The following DENND1A variants were observed in gnomAD, a reference collection of about 807,000 sequenced individuals.
DENND1A encodes DENN domain-containing protein 1A.
In DENND1A, 51 loss-of-function variants were observed where a neutral mutation model predicts 113.7. The observed-to-expected ratio is 0.45, with a 90% CI of 0.36 to 0.57. The LOEUF is 0.57. DENND1A is among the 20% of genes least tolerant of loss of function. DENND1A has a pLI of 0.00. For missense variants in DENND1A, 1,258 were observed against 1,395.9 expected, an observed-to-expected ratio of 0.90 and a Z score of 1.57; for synonymous variants, 565 against 570.8, an observed-to-expected ratio of 0.99 and a Z score of 0.14.
chr9:123,529,526 G>A (rs1476797325), intron 13 of DENND1A, among the ~76,000 whole-genome samples: 2 of 151,736 alleles, frequency 1.3e-5, no homozygotes, highest in Admixed American at 1.3e-4. Context: ...GAGACAAGTG[G>A]TATACAAACA....
At chr9:123,552,039 C>CAGAGAGAGAGAGAGAGAGAGAGAGAGAG (rs58452320) in intron 13 of DENND1A, among the ~76,000 whole-genome samples, 6 of 128,336 alleles carry the variant, frequency 4.7e-5, no homozygotes, top group Non-Finnish European at 6.5e-5. Flanking sequence ...GAGAGAGAGA[C>CAGAGAGAGAGAGAGAGAGAGAGAGAGAG]AGAGAGAGAG....
At chr9:123,567,552 T>C (rs2058123323) in intron 12 of DENND1A, among the ~76,000 whole-genome samples, 1 of 152,190 alleles carries the variant, frequency 6.6e-6, no homozygotes, top group Non-Finnish European at 1.5e-5. Context: ...TGGAAAGTAT[T>C]TGGAGGAAGA....
intron 17 of DENND1A, among the ~76,000 whole-genome samples, chr9:123,451,063 A>AC (rs1392364744): frequency 2.6e-5 from 4 of 152,206 alleles, no homozygotes; most frequent in African/African-American, 9.7e-5. Context: ...AGCTACCAGT[A>AC]AGAGTACGGC....
intron 2 of DENND1A, chr9:123,843,515 T>C: frequency 3.6e-6 from 1 of 274,042 alleles, no homozygotes; most frequent in South Asian, 4.1e-5. Context: ...TTTCTAGTTT[T>C]GTAGGAGCAT....
At chr9:123,716,032 T>C (rs2066956477) in intron 5 of DENND1A, among the ~76,000 whole-genome samples, 1 of 152,166 alleles carries the variant, frequency 6.6e-6, no homozygotes, top group Admixed American at 6.5e-5. Flanking sequence ...CTTGTGCTGC[T>C]CTGGAGCACT....
intron 5 of DENND1A, among the ~76,000 whole-genome samples, chr9:123,693,603 C>T (rs2065308795): frequency 6.6e-6 from 1 of 151,764 alleles, no homozygotes; most frequent in Admixed American, 6.6e-5. Flanking sequence ...TTTTAAGCTA[C>T]ACTGTATATT....
rs1444422838 is a variant in DENND1A, at chr9:123,929,900, G to A, written c.6C>T (p.Gly2=). The change falls in exon 1 of 24, where the codon GGC becomes GGT. Residue 2 remains glycine, a synonymous_variant. Transcript: ENST00000394215. M[G]SRIKQNPETT... The stretch of plus-strand genomic sequence containing the variant: ...CCGGCCGCACTCACTTGATCCTGGA[G>A]CCCATGGTCCCCAGGCCTCCTCATG... The A allele has an allele frequency of 5.8e-6, 2 of 342,124 alleles. No homozygotes were observed. The highest frequency in any genetic ancestry group is 2.3e-5 in the African/African-American group (1 of 44,308). 21.2% of individuals were successfully genotyped at this position (342,124 alleles called of 1,614,324 possible).
At chr9:123,685,313 C>T (rs565744432) in intron 5 of DENND1A, among the ~76,000 whole-genome samples, 30 of 152,356 alleles carry the variant, frequency 2.0e-4, no homozygotes, top group African/African-American at 6.7e-4. Context: ...GCTTTGCTCA[C>T]AGCTGCTAAT....
rs577713675 is a variant in DENND1A at position 123,588,389 on chromosome 9, C to T, written c.766-5119G>A. 1.1e-4 allele frequency among the ~76,000 whole-genome samples: 17 copies of T among 150,340 alleles called. 1 individual carries two copies. In the South Asian group the frequency reaches 2.1e-3, roughly 19 times the overall value. On this transcript the variant is annotated intron_variant, in intron 11 of 23. Coordinates refer to ENST00000394215, the MANE Select transcript of DENND1A (RefSeq NM_001352964.2). ...ATCTCAGCACTTTGGGAGGCTGAGG[C>T]GGGTGGATCACCTGAGGTCAGGAGT...
At chr9:123,394,832 C>T (rs1217270485) in intron 21 of DENND1A, among the ~76,000 whole-genome samples, 1 of 152,206 alleles carries the variant, frequency 6.6e-6, no homozygotes. Flanking sequence ...CTGCCCCTCA[C>T]CCTGAGGACA....
intron 5 of DENND1A, among the ~76,000 whole-genome samples, chr9:123,685,955 T>C (rs1008164383): frequency 1.1e-4 from 16 of 151,588 alleles, no homozygotes; most frequent in African/African-American, 3.9e-4. Flanking sequence ...AGGCCCACCC[T>C]ACTGGAGCTT....
intron 21 of DENND1A, 36 bp downstream of exon 21, chr9:123,403,366 G>A: frequency 6.2e-7 from 1 of 1,608,998 alleles, no homozygotes; most frequent in Non-Finnish European, 8.5e-7. Context: ...CAGACACAGG[G>A]TTCTTACAGA....
intron 2 of DENND1A, among the ~76,000 whole-genome samples, chr9:123,853,731 G>A (rs1264129587): frequency 6.6e-6 from 1 of 152,152 alleles, no homozygotes; most frequent in Non-Finnish European, 1.5e-5. Context: ...TTCTGTGAGG[G>A]TCTCCAAGAG....
chr9:123,588,633 A>AG (rs1290448078), intron 11 of DENND1A, among the ~76,000 whole-genome samples: 6,468 of 86,280 alleles, frequency 0.075, 342 homozygotes, highest in African/African-American at 0.14. Flanking sequence ...AAAAAAAAAA[A>AG]GGGGGGGGGG....
chr9:123,875,928 T>A (rs1398550416), intron 2 of DENND1A, among the ~76,000 whole-genome samples: 2 of 152,238 alleles, frequency 1.3e-5, no homozygotes, highest in African/African-American at 4.8e-5. Flanking sequence ...CCAGGACCAG[T>A]ATTTCTGAAG....
rs147058034 is a variant in DENND1A at position 123,750,875 on chromosome 9, A to G, written c.302+6828T>C. Among the ~76,000 whole-genome samples, 486 of 152,296 alleles carry G rather than the reference A, an allele frequency of 3.2e-3. 4 individuals carry two copies. The highest frequency in any genetic ancestry group is 3.7e-3 in the Admixed American group (57 of 15,298). On this transcript the variant is annotated intron_variant, in intron 5 of 23. Transcript: ENST00000394215. ...GGGTACCCTCGGGCGAGACAACCAT[A>G]AACAGCTTAAAACAAGAATAGGAGA...
chr9:123,513,889 A>G (rs2053652931), intron 13 of DENND1A, among the ~76,000 whole-genome samples: 1 of 152,184 alleles, frequency 6.6e-6, no homozygotes, highest in Non-Finnish European at 1.5e-5. Context: ...AGAACTTAAA[A>G]GCTTTCTCCC....
intron 8 of DENND1A, among the ~76,000 whole-genome samples, chr9:123,659,003 C>G (rs552285565): frequency 6.6e-6 from 1 of 152,286 alleles, no homozygotes; most frequent in African/African-American, 2.4e-5. Context: ...AGTTACCTCA[C>G]TTCTCTGGGC....
intron 13 of DENND1A, among the ~76,000 whole-genome samples, chr9:123,470,586 C>G (rs1263136485): frequency 6.6e-6 from 1 of 152,146 alleles, no homozygotes; most frequent in Non-Finnish European, 1.5e-5. Flanking sequence ...CAATCAGCCG[C>G]AGAACCCATG....
Sources: allele counts gnomAD v4.1 joint callset (sites outside exome capture counted in the v4.1 genomes callset), GRCh38; gene constraint gnomAD v4.1.1; transcripts MANE v1.5; gene names NCBI Gene and HGNC (gene_info 2026-07-23, HGNC 2026-07-21).